Variants in KIAA1217 observed in about 807,000 individuals in gnomAD.
The protein encoded by KIAA1217 is sickle tail protein homolog.
Under a neutral mutation model 163.9 loss-of-function variants are expected in KIAA1217, and 88 were observed. The observed-to-expected ratio is 0.54, with a 90% CI of 0.45 to 0.64. KIAA1217 has a LOEUF of 0.64. KIAA1217 is among the 30% of genes least tolerant of loss of function. The pLI, the probability that KIAA1217 is intolerant of heterozygous loss-of-function variation, is 0.00. For missense variants in KIAA1217, 2,372 were observed against 2,475.0 expected (o/e 0.96, Z 0.88); for synonymous variants, 903 against 923.1 (o/e 0.98, Z 0.39).
chr10:23,931,604 G>A (rs1843254777), intron 1 of KIAA1217, among the ~76,000 whole-genome samples: 1 of 152,076 alleles, frequency 6.6e-6, no homozygotes, highest in Non-Finnish European at 1.5e-5. Context: ...GTCATGATAG[G>A]GGGATGGATT....
intron 1 of KIAA1217, among the ~76,000 whole-genome samples, chr10:23,922,417 C>T (rs1842883455): frequency 6.6e-6 from 1 of 152,098 alleles, no homozygotes; most frequent in African/African-American, 2.4e-5. Flanking sequence ...ATTATCTAAC[C>T]TGAGAAGGGG....
chr10:24,521,735 G>T, intron 11 of KIAA1217, 47 bp from the exon 12 acceptor site: 1 of 1,590,860 alleles, frequency 6.3e-7, no homozygotes. Context: ...GAGGGTTGTC[G>T]TTCTGGCTTT....
At chr10:24,410,203 C>G (rs1053069006) in intron 3 of KIAA1217, among the ~76,000 whole-genome samples, 1 of 152,008 alleles carries the variant, frequency 6.6e-6, no homozygotes, top group Non-Finnish European at 1.5e-5. Flanking sequence ...ACCATGTTGG[C>G]CAGGCTGGTC....
chr10:24,494,972 G>A, intron 7 of KIAA1217, 175 bp from the exon 8 acceptor site: 3 of 607,376 alleles, frequency 4.9e-6, no homozygotes, highest in Non-Finnish European at 8.6e-6. Flanking sequence ...AGTGTCAGGT[G>A]CACACCTGGG....
intron 3 of KIAA1217, among the ~76,000 whole-genome samples, chr10:24,431,812 C>A (rs1056259371): frequency 2.0e-5 from 3 of 152,180 alleles, no homozygotes; most frequent in African/African-American, 7.2e-5. Context: ...TGCTAGGAGG[C>A]AGGGTGCACT....
chr10:24,429,414 T>A (rs753029955), intron 3 of KIAA1217, among the ~76,000 whole-genome samples: 36 of 152,182 alleles, frequency 2.4e-4, no homozygotes, highest in Non-Finnish European at 4.6e-4. Flanking sequence ...TTTTTTCTGA[T>A]CTCTTTTACC....
chr10:23,824,698 A>G (rs765658197), intron 1 of KIAA1217, among the ~76,000 whole-genome samples: 1 of 144,404 alleles, frequency 6.9e-6, no homozygotes, highest in East Asian at 2.0e-4. Flanking sequence ...TATGATATGT[A>G]AAGGAGAAAA....
At chr10:24,417,016 T>G (rs1043170403) in intron 3 of KIAA1217, among the ~76,000 whole-genome samples, 4 of 152,098 alleles carry the variant, frequency 2.6e-5, no homozygotes, top group Non-Finnish European at 5.9e-5. Flanking sequence ...GTCACAAGGA[T>G]TTAGGGAAGC....
intron 5 of KIAA1217, among the ~76,000 whole-genome samples, chr10:24,448,893 TACAG>T (rs1302948305): frequency 9.2e-5 from 14 of 152,308 alleles, no homozygotes; most frequent in Admixed American, 7.8e-4. Flanking sequence ...GCAATAATGA[TACAG>T]ACAATAATCA....
intron 1 of KIAA1217, among the ~76,000 whole-genome samples, chr10:23,704,593 G>A (rs79833666): frequency 0.023 from 3,540 of 152,040 alleles, 133 homozygotes; most frequent in African/African-American, 0.082. Flanking sequence ...TTCACTCTGC[G>A]TAATGTTTTA....
At chr10:24,436,476 A>AAAAAAG in intron 4 of KIAA1217, among the ~76,000 whole-genome samples, 1 of 151,176 alleles carries the variant, frequency 6.6e-6, no homozygotes. Flanking sequence ...AAAAAAAAAA[A>AAAAAAG]GGCTGGGCGC....
chr10:24,388,844 T>G (rs55648061), intron 3 of KIAA1217, among the ~76,000 whole-genome samples: 1 of 138,754 alleles, frequency 7.2e-6, no homozygotes, highest in Non-Finnish European at 1.5e-5. Context: ...TGCAAATCAA[T>G]CCACAATGAG....
chr10:24,197,512 A>G (rs1392119085), intron 2 of KIAA1217, among the ~76,000 whole-genome samples: 1 of 152,242 alleles, frequency 6.6e-6, no homozygotes, highest in African/African-American at 2.4e-5. Flanking sequence ...ACCAAAGTCA[A>G]TCAGGGAAAA....
intron 2 of KIAA1217, among the ~76,000 whole-genome samples, chr10:24,373,242 G>A (rs899449130): frequency 3.9e-5 from 6 of 152,124 alleles, no homozygotes; most frequent in Admixed American, 2.6e-4. Flanking sequence ...ATGGAATACA[G>A]GTCTTCCCAA....
At chr10:24,324,545 C>T (rs926444646) in intron 2 of KIAA1217, among the ~76,000 whole-genome samples, 7 of 152,272 alleles carry the variant, frequency 4.6e-5, no homozygotes, top group Admixed American at 3.3e-4. Flanking sequence ...CCATCCTGGG[C>T]AACAGAGCAA....
chr10:24,299,122 C>G (rs965407021), intron 2 of KIAA1217, among the ~76,000 whole-genome samples: 1 of 152,150 alleles, frequency 6.6e-6, no homozygotes, highest in African/African-American at 2.4e-5. Context: ...TGTCATCTGG[C>G]TCTTCAAAAT....
At chr10:23,812,278 G>A (rs1224988015) in intron 1 of KIAA1217, among the ~76,000 whole-genome samples, 2 of 152,170 alleles carry the variant, frequency 1.3e-5, no homozygotes, top group African/African-American at 4.8e-5. Context: ...TTTTGCTAGT[G>A]TTATGACAGA....
At chr10:23,909,743 G>A (rs546094008) in intron 1 of KIAA1217, among the ~76,000 whole-genome samples, 22 of 152,184 alleles carry the variant, frequency 1.4e-4, no homozygotes, top group Admixed American at 3.3e-4. Flanking sequence ...GAACAGTGCC[G>A]CAATAAACAT....
chr10:24,129,113 T>C (rs941995916), intron 2 of KIAA1217, among the ~76,000 whole-genome samples: 31 of 152,300 alleles, frequency 2.0e-4, no homozygotes, highest in African/African-American at 7.5e-4. Context: ...GGCAGAAAGG[T>C]ACTAACCTCC....
Sources: allele counts gnomAD v4.1 joint callset (sites outside exome capture counted in the v4.1 genomes callset), GRCh38; gene constraint gnomAD v4.1.1; transcripts MANE v1.5; gene names NCBI Gene and HGNC (gene_info 2026-07-23, HGNC 2026-07-21).